Variants in NEK11 observed in about 807,000 individuals in gnomAD.
NEK11 encodes NIMA related kinase 11.
NEK11 carries 72 observed loss-of-function variants against 80.7 expected under a neutral mutation model. The ratio of observed to expected loss-of-function variants is 0.89; its 90% CI spans 0.74 to 1.08. The LOEUF is 1.08. NEK11 is among the 50% of genes least tolerant of loss of function. The probability of loss-of-function intolerance (pLI) is 0.00; values close to 1 mark genes in which losing one functional copy is unlikely to be tolerated. For synonymous variants in NEK11, 251 were observed against 260.7 expected (o/e 0.96, Z 0.36); for missense variants, 764 against 763.6 (o/e 1.00, Z -0.01).
At chr3:131,255,074 A>AGG (rs1561221002) in intron 16 of NEK11, among the ~76,000 whole-genome samples, 10 of 122,120 alleles carry the variant, frequency 8.2e-5, no homozygotes, top group Middle Eastern at 3.8e-3. Context: ...GACAGACAGA[A>AGG]AGAAGGAAAG....
Position 131,228,618 on chromosome 3 carries a change from T to C in NEK11, c.1490T>C (p.Ile497Thr). 1 of 1,613,636 alleles carries C rather than the reference T, an allele frequency of 6.2e-7. No individual in the cohort carries two copies. Among genetic ancestry groups the C allele is most frequent in the Non-Finnish European group, 8.5e-7 (1 of 1,179,706 alleles). The change falls in exon 15 of 18, where the codon ATA becomes ACA. Residue 497 changes from isoleucine to threonine, a missense_variant. Physicochemically the swap from Ile to Thr is moderately conservative, Grantham distance 89. Transcript: ENST00000383366. ...CEESDEEEEE[I>T]ALERPEKEIR... is the part of the protein sequence containing the mutation. ...GAGAGTGATGAGGAGGAAGAAGAAA[T>C]AGCGTTAGAAAGACCAGAGAAAGAA...
intron 14 of NEK11, among the ~76,000 whole-genome samples, chr3:131,207,135 A>G (rs1159957102): frequency 6.6e-6 from 1 of 152,248 alleles, no homozygotes; most frequent in Non-Finnish European, 1.5e-5. Flanking sequence ...ATATGCGCAC[A>G]TGTGTCTTAA....
At chr3:131,267,873 A>T (rs191633749) in intron 16 of NEK11, among the ~76,000 whole-genome samples, 1 of 152,134 alleles carries the variant, frequency 6.6e-6, no homozygotes, top group Non-Finnish European at 1.5e-5. Context: ...GTGTTTTCCA[A>T]CTTGGTTCCA....
At chr3:131,335,001 C>A (rs187798098) in intron 17 of NEK11, among the ~76,000 whole-genome samples, 52 of 152,008 alleles carry the variant, frequency 3.4e-4, no homozygotes, top group Non-Finnish European at 5.3e-4. Context: ...AAAAAGAGTC[C>A]GGGACCAGAT....
In NEK11 at chr3:131,349,691, GT is replaced by G; in HGVS notation, c.1857del (p.Phe619LeufsTer14). On this transcript the variant is annotated frameshift_variant, in exon 18 of 18. Coordinates refer to ENST00000383366, the MANE Select transcript of NEK11 (RefSeq NM_024800.5). LOFTEE classifies it low-confidence loss of function (END_TRUNC). ...LEKVVPQASD[C>X]FEVDQLLYFE... ...AAAGTGGTGCCTCAAGCCAGCGACT[GT>G]TTTGAAGTGGACCAGCTCCTGTACT... 6.2e-7 allele frequency: 1 copy of G among 1,614,124 alleles called. No individual in the cohort carries two copies. Among genetic ancestry groups the G allele is most frequent in the African/African-American group, 1.3e-5 (1 of 75,054 alleles).
intron 12 of NEK11, among the ~76,000 whole-genome samples, chr3:131,165,944 C>A (rs537898187): frequency 2.2e-4 from 33 of 152,178 alleles, no homozygotes; most frequent in Non-Finnish European, 4.3e-4. Flanking sequence ...TTTTGTTGTA[C>A]ATTGTGTTAA....
chr3:131,188,632 C>G (rs1262035772), intron 14 of NEK11, among the ~76,000 whole-genome samples: 1 of 152,150 alleles, frequency 6.6e-6, no homozygotes, highest in Non-Finnish European at 1.5e-5. Context: ...TGCTCCTAGG[C>G]AATTGCCTTT....
rs555651066 is a variant in NEK11, at chr3:131,044,452, G to GC, written c.170+14574_170+14575insC. ...AAAAAAAAAAAAAAAAAGGTGGGGG[G>GC]GGGGGTTGGAATCCTAGTCTCTAGT... On this transcript the variant is annotated intron_variant, in intron 3 of 17. Coordinates refer to ENST00000383366, the MANE Select transcript of NEK11 (RefSeq NM_024800.5). 1.4e-4 allele frequency among the ~76,000 whole-genome samples: 21 copies of GC among 149,502 alleles called. No individual in the cohort carries two copies. The East Asian group carries it at 3.2e-3, about 23-fold the overall frequency.
chr3:131,135,659 C>T (rs918972793), intron 7 of NEK11, among the ~76,000 whole-genome samples: 4 of 152,014 alleles, frequency 2.6e-5, no homozygotes, highest in African/African-American at 7.2e-5. Context: ...TATCTCTTTA[C>T]ATTTAATTTT....
At chr3:131,048,165 G>T (rs999595996) in intron 3 of NEK11, among the ~76,000 whole-genome samples, 10 of 152,176 alleles carry the variant, frequency 6.6e-5, no homozygotes, top group East Asian at 1.9e-4. Flanking sequence ...CAGGCAGCGG[G>T]TGAACAGAGC....
chr3:131,073,437 T>C, intron 3 of NEK11, among the ~76,000 whole-genome samples: 1 of 152,232 alleles, frequency 6.6e-6, no homozygotes, highest in East Asian at 1.9e-4. Context: ...AATAGCATGT[T>C]TGCCAAACAA....
At chr3:131,284,151 T>A (rs542533505) in intron 17 of NEK11, among the ~76,000 whole-genome samples, 1 of 152,316 alleles carries the variant, frequency 6.6e-6, no homozygotes, top group South Asian at 2.1e-4. Flanking sequence ...GGCCCATCTC[T>A]TATAAAGGAG....
At chr3:131,073,900 T>A (rs2073887393) in intron 3 of NEK11, among the ~76,000 whole-genome samples, 1 of 151,924 alleles carries the variant, frequency 6.6e-6, no homozygotes, top group Non-Finnish European at 1.5e-5. Flanking sequence ...GGGAGAAGAG[T>A]GGAGGAATTA....
chr3:131,330,063 G>C (rs1307131185), intron 17 of NEK11: 1 of 152,232 alleles, frequency 6.6e-6, no homozygotes, highest in African/African-American at 2.4e-5. Flanking sequence ...AGACAGAGTA[G>C]TAGTGGAAAT....
At chr3:131,060,492 A>G (rs900735031) in intron 3 of NEK11, among the ~76,000 whole-genome samples, 3 of 152,204 alleles carry the variant, frequency 2.0e-5, no homozygotes, top group African/African-American at 7.2e-5. Flanking sequence ...CATTCACTCT[A>G]CTTACTTTCC....
At chr3:131,322,277 TG>T (rs1304480220) in intron 17 of NEK11, among the ~76,000 whole-genome samples, 1 of 151,890 alleles carries the variant, frequency 6.6e-6, no homozygotes, top group African/African-American at 2.4e-5. Context: ...TTATAGGCAA[TG>T]AAGACCACTA....
At chr3:131,108,250 TG>T (rs2079507810) in intron 4 of NEK11, among the ~76,000 whole-genome samples, 1 of 152,156 alleles carries the variant, frequency 6.6e-6, no homozygotes. Flanking sequence ...GACCTCATAT[TG>T]TTTCATTAGA....
At chr3:131,186,252 A>G (rs2093595422) in intron 14 of NEK11, among the ~76,000 whole-genome samples, 1 of 152,158 alleles carries the variant, frequency 6.6e-6, no homozygotes, top group South Asian at 2.1e-4. Context: ...CAGTATTTTT[A>G]TTTGCTATTG....
At chr3:131,218,215 A>C (rs2107623318) in intron 14 of NEK11, among the ~76,000 whole-genome samples, 1 of 152,346 alleles carries the variant, frequency 6.6e-6, no homozygotes, top group African/African-American at 2.4e-5. Context: ...GCACAGCCTG[A>C]GATGGGTATC....
Sources: gnomAD v4.1 joint callset for allele counts (sites outside exome capture counted in the v4.1 genomes callset) on GRCh38, gnomAD v4.1.1 for gene constraint, MANE v1.5 for transcripts, NCBI Gene and HGNC (gene_info 2026-07-23, HGNC 2026-07-21) for gene names.